CHN2: variants seen among roughly 807,000 people sequenced by gnomAD.
CHN2 encodes the protein chimerin 2.
A neutral mutation model predicts 56.3 loss-of-function variants in CHN2; 35 were observed. The ratio of observed to expected loss-of-function variants is 0.62; its 90% CI spans 0.47 to 0.82. The LOEUF (loss-of-function observed/expected upper bound fraction) is 0.82, where lower values mean the gene tolerates loss of function less well. Among genes scored for constraint, CHN2 ranks in the 40% least tolerant of loss-of-function variants. The pLI is 0.00. For synonymous variants in CHN2, 210 were observed against 212.8 expected (o/e 0.99, Z 0.12); for missense variants, 491 against 580.5 (o/e 0.85, Z 1.58).
At position 29,509,844 on chromosome 7, in the gene CHN2, CAAAAAAAAAAAA is replaced by C. The variant is rs34925686; in HGVS notation, c.1235+443_1235+454del. ...TGGGCAACAGAGCGAGACTCCATCT[CAAAAAAAAAAAA>C]AAAAGAAAAAGAAAGGGGTGCCATT... is the stretch of plus-strand genomic sequence containing the variant. On this transcript the variant is annotated intron_variant, in intron 12 of 12. Transcript: ENST00000222792. Among the ~76,000 whole-genome samples, 4 of 134,204 alleles carry C rather than the reference CAAAAAAAAAAAA, an allele frequency of 3.0e-5. No homozygotes were observed. In the East Asian group the frequency reaches 8.9e-4, roughly 30 times the overall value. The allele number at this position is 134,204 out of a possible 152,430, so 88.0% of individuals were successfully genotyped here. A position where few individuals can be genotyped will look rare whatever the true frequency, so the allele number is the denominator to read the frequency against.
chr7:29,276,073 C>T (rs1000876172), intron 1 of CHN2, among the ~76,000 whole-genome samples: 1 of 151,172 alleles, frequency 6.6e-6, no homozygotes, highest in Non-Finnish European at 1.5e-5. Context: ...AAAAACAAAA[C>T]ACGCATGATA....
intron 2 of CHN2, among the ~76,000 whole-genome samples, chr7:29,158,956 T>C (rs934668811): frequency 2.2e-4 from 34 of 152,236 alleles, no homozygotes; most frequent in Admixed American, 2.2e-3. Context: ...CCAAATAAGA[T>C]ACCCTGCGGC....
At chr7:29,221,228 G>T (rs1785768189) in intron 1 of CHN2, among the ~76,000 whole-genome samples, 1 of 152,172 alleles carries the variant, frequency 6.6e-6, no homozygotes. Context: ...AAATTGTCAT[G>T]AAGGTTGAGA....
chr7:29,437,553 G>T (rs1006148821), intron 6 of CHN2, among the ~76,000 whole-genome samples: 1 of 142,586 alleles, frequency 7.0e-6, no homozygotes, highest in African/African-American at 2.7e-5. Context: ...AGCCGAGATC[G>T]CGCCACTGCA....
At chr7:29,146,595 C>A (rs1189838268) in exon 1 of CHN2, 4 of 1,550,274 alleles carry the variant, frequency 2.6e-6, no homozygotes, top group South Asian at 2.4e-5. Flanking sequence ...TGACCCAGAC[C>A]CACAGGGCAA....
chr7:29,255,190 C>T (rs1452555603), intron 1 of CHN2, among the ~76,000 whole-genome samples: 1 of 152,200 alleles, frequency 6.6e-6, no homozygotes, highest in Non-Finnish European at 1.5e-5. Context: ...GGATTGTGTG[C>T]AGAGGGAGAC....
chr7:29,418,618 G>T (rs914796337), intron 6 of CHN2, among the ~76,000 whole-genome samples: 1 of 152,202 alleles, frequency 6.6e-6, no homozygotes, highest in East Asian at 1.9e-4. Context: ...CATACACCCC[G>T]TTGAGTATTG....
intron 1 of CHN2, among the ~76,000 whole-genome samples, chr7:29,267,523 G>A (rs541021128): frequency 3.9e-5 from 6 of 152,248 alleles, no homozygotes; most frequent in South Asian, 2.1e-4. Context: ...GAGTACAGGC[G>A]TGAGTCACCA....
At chr7:29,507,416 GCT>G in intron 11 of CHN2, 51 bp downstream of exon 11, 15 of 1,356,188 alleles carry the variant, frequency 1.1e-5, no homozygotes, top group African/African-American at 1.5e-5. Flanking sequence ...TAAGTACAGT[GCT>G]TTTGACCTTC....
At chr7:29,470,464 T>C (rs1189196167) in intron 6 of CHN2, among the ~76,000 whole-genome samples, 1 of 152,184 alleles carries the variant, frequency 6.6e-6, no homozygotes, top group African/African-American at 2.4e-5. Flanking sequence ...TTGGAGATAT[T>C]TTTATTTGTG....
intron 6 of CHN2, among the ~76,000 whole-genome samples, chr7:29,426,600 C>G (rs979587603): frequency 1.3e-5 from 2 of 152,162 alleles, no homozygotes; most frequent in African/African-American, 4.8e-5. Context: ...TACTAGTTTT[C>G]TATTGCTGTG....
At chr7:29,436,457 T>C (rs1309503643) in intron 6 of CHN2, among the ~76,000 whole-genome samples, 62 of 152,210 alleles carry the variant, frequency 4.1e-4, no homozygotes, top group Non-Finnish European at 5.9e-5. Context: ...TGCCAACTTA[T>C]AGGTGCTCAA....
intron 1 of CHN2, among the ~76,000 whole-genome samples, chr7:29,306,743 T>C (rs1030909875): frequency 6.6e-6 from 1 of 152,220 alleles, no homozygotes; most frequent in African/African-American, 2.4e-5. Flanking sequence ...TATGTAAGAA[T>C]TGCCGTGAAC....
intron 6 of CHN2, among the ~76,000 whole-genome samples, chr7:29,432,644 G>A (rs1406677174): frequency 2.0e-5 from 3 of 152,286 alleles, no homozygotes; most frequent in Middle Eastern, 3.4e-3. Flanking sequence ...GATCCATTTC[G>A]CTGTACCTGG....
At chr7:29,448,099 A>G (rs1784154181) in intron 6 of CHN2, among the ~76,000 whole-genome samples, 1 of 152,140 alleles carries the variant, frequency 6.6e-6, no homozygotes, top group South Asian at 2.1e-4. Flanking sequence ...TATTCTGACT[A>G]AGCAGTTTTA....
intron 3 of CHN2, among the ~76,000 whole-genome samples, chr7:29,390,353 C>T (rs1481444387): frequency 4.6e-5 from 7 of 152,132 alleles, no homozygotes; most frequent in Admixed American, 2.0e-4. Flanking sequence ...CAGACATGGC[C>T]GATCCGACAG....
intron 1 of CHN2, among the ~76,000 whole-genome samples, chr7:29,345,894 C>G (rs545719109): frequency 1.3e-5 from 2 of 152,184 alleles, no homozygotes; most frequent in South Asian, 4.2e-4. Context: ...GGCCCAGCCT[C>G]AGGGTCCAGC....
intron 2 of CHN2, among the ~76,000 whole-genome samples, chr7:29,162,187 TA>T (rs879535881): frequency 1.7e-4 from 26 of 152,158 alleles, no homozygotes; most frequent in Non-Finnish European, 2.9e-4. Flanking sequence ...CCTAGGCAGG[TA>T]AAATCTTATA....
At position 29,212,901 on chromosome 7, in the gene CHN2, G is replaced by A. The variant is rs1227287248; in HGVS notation, c.49+17911G>A. The A allele has an allele frequency of 2.5e-6, 4 of 1,610,608 alleles. No homozygotes were observed. The African/African-American group carries it at 5.3e-5, about 22-fold the overall frequency. On this transcript the variant is annotated intron_variant, in intron 1 of 12. Transcript: ENST00000222792. ...TTCCAATGTGGAGCAACCAGACCTG[G>A]AACAATTCATCCTGGAGCAACCAGA...
Sources: gnomAD v4.1 joint callset for allele counts (sites outside exome capture counted in the v4.1 genomes callset) on GRCh38, gnomAD v4.1.1 for gene constraint, MANE v1.5 for transcripts, NCBI Gene and HGNC (gene_info 2026-07-23, HGNC 2026-07-21) for gene names.